Variants in RAD51B observed in about 807,000 individuals in gnomAD.
RAD51B encodes the protein RAD51 paralog B.
Under a neutral mutation model 42.2 loss-of-function variants are expected in RAD51B, and 38 were observed. The observed-to-expected ratio is 0.90, with a 90% CI of 0.70 to 1.18. RAD51B has a LOEUF of 1.18. RAD51B is among the 50% of genes most tolerant of loss of function. The pLI, the probability that RAD51B is intolerant of heterozygous loss-of-function variation, is 0.00. For synonymous variants in RAD51B, 154 were observed against 145.2 expected (o/e 1.06, Z -0.43); for missense variants, 373 against 400.7 (o/e 0.93, Z 0.59).
At chr14:68,593,747 C>T (rs1890861468) in intron 10 of RAD51B, among the ~76,000 whole-genome samples, 1 of 152,168 alleles carries the variant, frequency 6.6e-6, no homozygotes. Context: ...TGCAGCCCCT[C>T]AAATCACCCA....
At chr14:68,092,367 T>G (rs1289868314) in intron 7 of RAD51B, among the ~76,000 whole-genome samples, 1 of 152,204 alleles carries the variant, frequency 6.6e-6, no homozygotes, top group Non-Finnish European at 1.5e-5. Context: ...TATCCTCTTT[T>G]ATTTCATTGA....
chr14:67,941,863 T>A (rs1288088160), intron 7 of RAD51B, among the ~76,000 whole-genome samples: 1 of 152,248 alleles, frequency 6.6e-6, no homozygotes, highest in Non-Finnish European at 1.5e-5. Context: ...TTCCCATGTC[T>A]CATCTTTTAT....
chr14:68,302,853 T>A (rs2081774140), intron 8 of RAD51B, among the ~76,000 whole-genome samples: 1 of 152,244 alleles, frequency 6.6e-6, no homozygotes, highest in Non-Finnish European at 1.5e-5. Context: ...TAAGCAGTTT[T>A]CCACCCTGGG....
chr14:67,955,159 T>G (rs2074523578), intron 7 of RAD51B, among the ~76,000 whole-genome samples: 1 of 152,170 alleles, frequency 6.6e-6, no homozygotes. Flanking sequence ...ATTTTATTTC[T>G]TGCCTTTTTC....
At chr14:68,094,370 TAC>T (rs1055592317) in intron 7 of RAD51B, among the ~76,000 whole-genome samples, 4 of 152,228 alleles carry the variant, frequency 2.6e-5, no homozygotes, top group African/African-American at 9.6e-5. Context: ...CACTCTCAAA[TAC>T]AGTGTGATAG....
At chr14:68,256,568 G>T (rs760540605) in intron 7 of RAD51B, among the ~76,000 whole-genome samples, 5 of 152,104 alleles carry the variant, frequency 3.3e-5, no homozygotes, top group Non-Finnish European at 5.9e-5. Context: ...AGCGAAAGAG[G>T]CCTGAAGTCA....
At chr14:68,072,688 T>C (rs1169969269) in intron 7 of RAD51B, among the ~76,000 whole-genome samples, 8 of 152,234 alleles carry the variant, frequency 5.3e-5, no homozygotes, top group Non-Finnish European at 8.8e-5. Flanking sequence ...AACTTTCCTC[T>C]TAATACTGCT....
chr14:68,164,953 T>C (rs2078719003), intron 7 of RAD51B, among the ~76,000 whole-genome samples: 2 of 152,228 alleles, frequency 1.3e-5, no homozygotes, highest in Non-Finnish European at 2.9e-5. Flanking sequence ...ACAACACTCC[T>C]TTAGTTTTCC....
chr14:68,013,484 T>C (rs1305612422), intron 7 of RAD51B, among the ~76,000 whole-genome samples: 1 of 152,214 alleles, frequency 6.6e-6, no homozygotes, highest in Non-Finnish European at 1.5e-5. Flanking sequence ...TTTGGAAATA[T>C]GATCTGCCAC....
chr14:68,168,596 C>T (rs967252069), intron 7 of RAD51B, among the ~76,000 whole-genome samples: 7 of 151,978 alleles, frequency 4.6e-5, no homozygotes, highest in African/African-American at 1.7e-4. Context: ...TGATAGGGAC[C>T]AAAGCTGTTT....
chr14:68,325,272 C>T (rs879337552), intron 8 of RAD51B, among the ~76,000 whole-genome samples: 10 of 152,184 alleles, frequency 6.6e-5, no homozygotes, highest in Non-Finnish European at 1.3e-4. Context: ...AAACACTTAG[C>T]ACAATGCCTG....
chr14:68,425,995 C>T (rs1356404003), intron 9 of RAD51B, among the ~76,000 whole-genome samples: 18 of 110,892 alleles, frequency 1.6e-4, no homozygotes, highest in African/African-American at 6.1e-4. Flanking sequence ...TTCCTTCCTT[C>T]CTTCCTTCCT....
intron 10 of RAD51B, among the ~76,000 whole-genome samples, chr14:68,519,027 C>T (rs80325912): frequency 0.035 from 5,310 of 152,296 alleles, 291 homozygotes; most frequent in African/African-American, 0.12. Context: ...CTTATCAGAA[C>T]TGATTGCACA....
chr14:68,644,912 A>C (rs529450184), intron 10 of RAD51B, among the ~76,000 whole-genome samples: 1 of 152,302 alleles, frequency 6.6e-6, no homozygotes, highest in Admixed American at 6.5e-5. Context: ...TCTCCTGCAC[A>C]TATTGTTTTA....
intron 10 of RAD51B, among the ~76,000 whole-genome samples, chr14:68,627,581 G>C (rs1462671486): frequency 1.3e-5 from 2 of 152,166 alleles, no homozygotes; most frequent in Non-Finnish European, 2.9e-5. Context: ...TCACCCATCT[G>C]AATAATTCAA....
intron 7 of RAD51B, among the ~76,000 whole-genome samples, chr14:68,089,442 C>T (rs977757347): frequency 6.6e-6 from 1 of 152,168 alleles, no homozygotes; most frequent in African/African-American, 2.4e-5. Flanking sequence ...ACTCACAGTT[C>T]TCCATCTTCA....
At chr14:68,645,221 A>T (rs1258609887) in intron 10 of RAD51B, among the ~76,000 whole-genome samples, 1 of 152,160 alleles carries the variant, frequency 6.6e-6, no homozygotes, top group African/African-American at 2.4e-5. Flanking sequence ...GACTACTGTA[A>T]GTATCTCGTG....
chr14:68,606,815 C>A (rs537342343), intron 10 of RAD51B, among the ~76,000 whole-genome samples: 8 of 152,330 alleles, frequency 5.3e-5, no homozygotes, highest in African/African-American at 1.4e-4. Flanking sequence ...CTGCATTGAT[C>A]TGGGGCAACT....
At chr14:67,998,944 A>G (rs1467644637) in intron 7 of RAD51B, among the ~76,000 whole-genome samples, 2 of 144,184 alleles carry the variant, frequency 1.4e-5, no homozygotes, top group African/African-American at 5.2e-5. Flanking sequence ...TCTTCTCTGC[A>G]TAGCTCTTCC....
Sources: gnomAD v4.1 joint callset for allele counts (sites outside exome capture counted in the v4.1 genomes callset) on GRCh38, gnomAD v4.1.1 for gene constraint, MANE v1.5 for transcripts, NCBI Gene and HGNC (gene_info 2026-07-23, HGNC 2026-07-21) for gene names.